Variants in TASP1 observed in about 807,000 individuals in gnomAD.
The protein encoded by TASP1 is taspase 1, also known as threonine aspartase 1.
TASP1 carries 16 observed loss-of-function variants against 56.6 expected under a neutral mutation model. That is an observed-to-expected ratio of 0.28 (90% CI 0.19 to 0.43). TASP1 has a LOEUF of 0.43. Among genes scored for constraint, TASP1 ranks in the 20% least tolerant of loss-of-function variants. The pLI is 1.00. For synonymous variants in TASP1, 179 were observed against 184.2 expected (o/e 0.97, Z 0.23); for missense variants, 393 against 511.6 (o/e 0.77, Z 2.24).
At chr20:13,310,294 T>G in the TASP1 span, among the ~76,000 whole-genome samples, 3 of 152,186 alleles carry the variant, frequency 2.0e-5, no homozygotes, top group Non-Finnish European at 2.9e-5. Context: ...CAACTGATCT[T>G]TGACACATTT....
At chr20:13,615,654 G>A (rs1430421554) in intron 4 of TASP1, among the ~76,000 whole-genome samples, 7 of 151,650 alleles carry the variant, frequency 4.6e-5, no homozygotes, top group African/African-American at 7.3e-5. Context: ...ACAGGCACCC[G>A]GACTACACCC....
the TASP1 span, among the ~76,000 whole-genome samples, chr20:13,152,246 G>A: frequency 6.6e-6 from 1 of 152,142 alleles, no homozygotes; most frequent in African/African-American, 2.4e-5. Flanking sequence ...TGGTTGTTGT[G>A]ATGACTAAAT....
Position 13,483,314 on chromosome 20 carries a change from T to C in TASP1, c.898A>G (p.Thr300Ala), listed in dbSNP as rs1202251328. 9 of 1,589,300 alleles carry C rather than the reference T, an allele frequency of 5.7e-6. No homozygotes were observed. The highest frequency in any genetic ancestry group is 7.7e-6 in the Non-Finnish European group (9 of 1,166,342). Reference protein sequence around the residue: ...TSGCGEHLVRTILARECSHAL... With the variant: ...TSGCGEHLVRAILARECSHAL... Reference sequence around the variant, plus strand: ...TGTGAACATTCTCTAGCCAGTATGGTGCGCACAAGATGCTCTCCACATCCT... The same window carrying C: ...TGTGAACATTCTCTAGCCAGTATGGCGCGCACAAGATGCTCTCCACATCCT... The change falls in exon 11 of 14, where the codon ACC becomes GCC. Residue 300 changes from threonine (T) to alanine (A), a missense_variant. Physicochemically the swap from Thr to Ala is moderately conservative, Grantham distance 58 (BLOSUM62 0). Around this residue, in one of 3 missense-constraint regions of TASP1, gnomAD observed 293 missense variants for 354.2 expected, o/e 0.83. Coordinates refer to ENST00000337743, the MANE Select transcript of TASP1 (RefSeq NM_017714.3).
chr20:13,525,894 A>C (rs989421647), intron 10 of TASP1, among the ~76,000 whole-genome samples: 9 of 152,186 alleles, frequency 5.9e-5, no homozygotes, highest in Non-Finnish European at 1.3e-4. Flanking sequence ...AGAGTATAAC[A>C]TGACAAGTTG....
chr20:13,465,399 C>T (rs989718151), intron 11 of TASP1, among the ~76,000 whole-genome samples: 5 of 151,854 alleles, frequency 3.3e-5, no homozygotes, highest in East Asian at 1.9e-4. Context: ...AATATGACTC[C>T]GGAAAACAAC....
chr20:13,111,713 T>C, the TASP1 span, among the ~76,000 whole-genome samples: 1 of 152,200 alleles, frequency 6.6e-6, no homozygotes, highest in Non-Finnish European at 1.5e-5. Flanking sequence ...AGGCCTAGAT[T>C]CGTGGGAACA....
At chr20:13,302,443 C>G in the TASP1 span, among the ~76,000 whole-genome samples, 1 of 152,184 alleles carries the variant, frequency 6.6e-6, no homozygotes, top group Non-Finnish European at 1.5e-5. Flanking sequence ...CTTCGGAAAT[C>G]AAGACCTCAT....
chr20:13,248,804 G>A, the TASP1 span, among the ~76,000 whole-genome samples: 6 of 152,192 alleles, frequency 3.9e-5, no homozygotes, highest in Non-Finnish European at 4.4e-5. Context: ...GGGGGTGAGC[G>A]GGGGAAGCCA....
intron 11 of TASP1, among the ~76,000 whole-genome samples, chr20:13,440,134 T>G (rs1221717052): frequency 6.6e-6 from 1 of 152,224 alleles, no homozygotes; most frequent in African/African-American, 2.4e-5. Context: ...GATGAGGCAC[T>G]ATCTTCAAAA....
At chr20:13,221,798 C>A in the TASP1 span, 1 of 1,391,764 alleles carries the variant, frequency 7.2e-7, no homozygotes, top group Non-Finnish European at 9.4e-7. Flanking sequence ...GGCGGCCGAG[C>A]TGCTGCTGCT....
the TASP1 span, among the ~76,000 whole-genome samples, chr20:13,193,807 T>G: frequency 6.6e-6 from 1 of 152,196 alleles, no homozygotes; most frequent in African/African-American, 2.4e-5. Flanking sequence ...CTCATGTCCT[T>G]ATTCAAGACA....
the TASP1 span, among the ~76,000 whole-genome samples, chr20:13,114,781 G>C: frequency 4.2e-3 from 605 of 145,350 alleles, 3 homozygotes; most frequent in African/African-American, 0.016. Flanking sequence ...GGCCCACCAA[G>C]GAGATTTTTC....
chr20:13,349,168 C>T, the TASP1 span, among the ~76,000 whole-genome samples: 1 of 152,142 alleles, frequency 6.6e-6, no homozygotes, highest in Non-Finnish European at 1.5e-5. Context: ...TCCCTTCTTC[C>T]TTGGCTCTCT....
the TASP1 span, among the ~76,000 whole-genome samples, chr20:13,225,171 C>T: frequency 6.6e-6 from 1 of 152,036 alleles, no homozygotes; most frequent in Non-Finnish European, 1.5e-5. Flanking sequence ...CTTTCTTAAT[C>T]CTCACAAAAA....
At chr20:13,579,430 G>A (rs988234827) in intron 6 of TASP1, among the ~76,000 whole-genome samples, 2 of 151,602 alleles carry the variant, frequency 1.3e-5, no homozygotes, top group Non-Finnish European at 1.5e-5. Context: ...GTGAAGTGGC[G>A]CGATCTCAGC....
At chr20:13,284,846 T>C in the TASP1 span, among the ~76,000 whole-genome samples, 1 of 152,242 alleles carries the variant, frequency 6.6e-6, no homozygotes, top group Non-Finnish European at 1.5e-5. Flanking sequence ...AAAATGGCTT[T>C]GTGAGCATTT....
chr20:13,221,661 G>T, the TASP1 span: 6 of 897,206 alleles, frequency 6.7e-6, no homozygotes, highest in African/African-American at 1.1e-4. Context: ...GCCCTGGCGG[G>T]AGCCGAGGCG....
the TASP1 span, chr20:13,221,721 C>T: frequency 3.1e-5 from 41 of 1,328,848 alleles, no homozygotes; most frequent in Non-Finnish European, 3.9e-5. Flanking sequence ...CCCCCGGCGT[C>T]ACCGCCGCCG....
the TASP1 span, among the ~76,000 whole-genome samples, chr20:13,121,080 T>C: frequency 6.6e-6 from 1 of 152,250 alleles, no homozygotes; most frequent in African/African-American, 2.4e-5. Flanking sequence ...ACATTTGTAT[T>C]GATCCTGTTG....
Sources: allele counts gnomAD v4.1 joint callset (sites outside exome capture counted in the v4.1 genomes callset), GRCh38; gene constraint gnomAD v4.1.1; regional missense constraint gnomAD v4.1.1; transcripts MANE v1.5; gene names NCBI Gene and HGNC (gene_info 2026-07-23, HGNC 2026-07-21).